Variants in STXBP5L observed in about 807,000 individuals in gnomAD.
STXBP5L encodes the protein syntaxin binding protein 5L.
A neutral mutation model predicts 144.5 loss-of-function variants in STXBP5L; 65 were observed. That is an observed-to-expected ratio of 0.45 (90% confidence interval 0.37 to 0.55). The LOEUF (loss-of-function observed/expected upper bound fraction) is 0.55, where lower values mean the gene tolerates loss of function less well. STXBP5L is among the 20% of genes least tolerant of loss of function. STXBP5L has a pLI of 0.00. For missense variants in STXBP5L, 1,298 were observed against 1,405.5 expected, an observed-to-expected ratio of 0.92 and a Z score of 1.22; for synonymous variants, 505 against 469.6, an observed-to-expected ratio of 1.08 and a Z score of -0.97.
intron 9 of STXBP5L, among the ~76,000 whole-genome samples, chr3:121,178,850 G>A (rs1191309): frequency 0.21 from 32,451 of 151,978 alleles, 3,690 homozygotes; most frequent in Non-Finnish European, 0.26. Context: ...AGCAGAATTA[G>A]GGAAGAGTCA....
chr3:121,054,134 C>T (rs1369650992), intron 5 of STXBP5L, among the ~76,000 whole-genome samples: 3 of 152,148 alleles, frequency 2.0e-5, no homozygotes, highest in Non-Finnish European at 2.9e-5. Flanking sequence ...CACTTTTACA[C>T]GGTTGGTGGG....
At chr3:121,388,362 C>T (rs1363488787) in intron 22 of STXBP5L, among the ~76,000 whole-genome samples, 1 of 152,140 alleles carries the variant, frequency 6.6e-6, no homozygotes, top group Non-Finnish European at 1.5e-5. Flanking sequence ...ATTTAACTTC[C>T]TTTTTTCCTA....
intron 10 of STXBP5L, among the ~76,000 whole-genome samples, chr3:121,215,382 T>C (rs896601051): frequency 6.6e-6 from 1 of 152,220 alleles, no homozygotes; most frequent in African/African-American, 2.4e-5. Flanking sequence ...TCAGGAGCTC[T>C]TGTAAGGCAG....
At chr3:121,016,415 T>C (rs1945150396) in intron 3 of STXBP5L, among the ~76,000 whole-genome samples, 1 of 152,178 alleles carries the variant, frequency 6.6e-6, no homozygotes, top group South Asian at 2.1e-4. Flanking sequence ...GTGGAAACTC[T>C]AAGATTCAAA....
chr3:121,228,999 C>G (rs1018670436), intron 11 of STXBP5L, among the ~76,000 whole-genome samples: 1 of 152,178 alleles, frequency 6.6e-6, no homozygotes, highest in Admixed American at 6.5e-5. Context: ...AAGACTGTCA[C>G]AAATAATTTC....
intron 7 of STXBP5L, among the ~76,000 whole-genome samples, chr3:121,132,859 G>T (rs1207690153): frequency 1.3e-5 from 2 of 152,028 alleles, no homozygotes; most frequent in Non-Finnish European, 2.9e-5. Flanking sequence ...AATCACTAGA[G>T]GGGTCAATAG....
chr3:121,144,448 T>C (rs2045639499), intron 7 of STXBP5L, among the ~76,000 whole-genome samples: 1 of 151,874 alleles, frequency 6.6e-6, no homozygotes, highest in Non-Finnish European at 1.5e-5. Context: ...ATCATTATTA[T>C]GTGTATGTAT....
In STXBP5L at chr3:121,034,527, ATC is replaced by A. The variant is rs368433187; in HGVS notation, c.288-7171_288-7170del. On this transcript the variant is annotated intron_variant, in intron 3 of 26. Transcript: ENST00000471454. ...CTATATAGCTGTACCTATATCATCT[ATC>A]TATCTATCTATCTATCATCTATCTA... Among the ~76,000 whole-genome samples, 409 of 149,848 alleles carry A rather than the reference ATC, an allele frequency of 2.7e-3. 1 individual carries two copies. The highest frequency in any genetic ancestry group is 9.5e-3 in the African/African-American group (381 of 40,170).
intron 6 of STXBP5L, among the ~76,000 whole-genome samples, chr3:121,118,080 C>T (rs948208878): frequency 1.3e-5 from 2 of 151,582 alleles, no homozygotes; most frequent in Non-Finnish European, 3.0e-5. Flanking sequence ...TCATGTTTAA[C>T]ATCATTCAAG....
intron 22 of STXBP5L, 108 bp from the exon 23 acceptor site, chr3:121,407,135 C>T: frequency 7.6e-7 from 1 of 1,308,158 alleles, no homozygotes; most frequent in Non-Finnish European, 1.0e-6. Context: ...TACATTAGGG[C>T]AATATTATGA....
intron 20 of STXBP5L, among the ~76,000 whole-genome samples, chr3:121,343,187 T>C (rs1192293170): frequency 2.0e-5 from 3 of 152,074 alleles, no homozygotes; most frequent in Non-Finnish European, 4.4e-5. Context: ...CACTTTTTGA[T>C]GGGGTTGTTT....
chr3:121,228,587 C>G (rs141862642), intron 11 of STXBP5L, among the ~76,000 whole-genome samples: 1 of 152,106 alleles, frequency 6.6e-6, no homozygotes, highest in Non-Finnish European at 1.5e-5. Context: ...AGCAATTGAA[C>G]CTTTGTTGGC....
At chr3:121,189,821 G>A (rs186703715) in intron 9 of STXBP5L, among the ~76,000 whole-genome samples, 114 of 151,928 alleles carry the variant, frequency 7.5e-4, no homozygotes, top group Admixed American at 3.4e-3. Context: ...AATAATTTGC[G>A]TGTGAATAAA....
chr3:121,237,097 T>C (rs1409610894), intron 12 of STXBP5L, among the ~76,000 whole-genome samples: 2 of 152,174 alleles, frequency 1.3e-5, no homozygotes, highest in Admixed American at 6.5e-5. Flanking sequence ...TATGTTGGAG[T>C]TGAATGCCTG....
chr3:121,236,283 A>T (rs1487709999), intron 12 of STXBP5L, among the ~76,000 whole-genome samples: 1 of 152,240 alleles, frequency 6.6e-6, no homozygotes, highest in African/African-American at 2.4e-5. Flanking sequence ...AAAAAATTTA[A>T]AAGTTTCCTA....
chr3:121,161,668 T>G (rs73855344), intron 9 of STXBP5L, among the ~76,000 whole-genome samples: 2,199 of 152,178 alleles, frequency 0.014, 53 homozygotes, highest in African/African-American at 0.05. Flanking sequence ...AACATCGATT[T>G]TTCCTATTCA....
At chr3:120,971,810 ATG>A (rs1940300787) in intron 3 of STXBP5L, among the ~76,000 whole-genome samples, 2 of 151,522 alleles carry the variant, frequency 1.3e-5, no homozygotes, top group Non-Finnish European at 2.9e-5. Flanking sequence ...ATATATATAT[ATG>A]TCTGTGCCAT....
At chr3:121,189,094 T>C (rs1269950196) in intron 9 of STXBP5L, among the ~76,000 whole-genome samples, 1 of 152,254 alleles carries the variant, frequency 6.6e-6, no homozygotes, top group Non-Finnish European at 1.5e-5. Flanking sequence ...CTTAAGCTGA[T>C]AAGCTCATTG....
At chr3:121,167,355 A>G (rs1027188519) in intron 9 of STXBP5L, among the ~76,000 whole-genome samples, 1 of 152,228 alleles carries the variant, frequency 6.6e-6, no homozygotes, top group African/African-American at 2.4e-5. Context: ...TCATATAAAG[A>G]TGGTATAAAA....
Sources: allele counts gnomAD v4.1 joint callset (sites outside exome capture counted in the v4.1 genomes callset), GRCh38; gene constraint gnomAD v4.1.1; transcripts MANE v1.5; gene names NCBI Gene and HGNC (gene_info 2026-07-23, HGNC 2026-07-21).